PRLR: variants seen among roughly 807,000 people sequenced by gnomAD.
The protein encoded by PRLR is hPRL receptor.
PRLR carries 13 observed loss-of-function variants against 40.2 expected under a neutral mutation model. That is an observed-to-expected ratio of 0.32 (90% CI 0.21 to 0.51). PRLR has a LOEUF of 0.51. PRLR is among the 20% of genes least tolerant of loss of function. PRLR has a pLI of 0.97. For missense variants in PRLR, 656 were observed against 747.3 expected (o/e 0.88, Z 1.42); for synonymous variants, 269 against 278.7 (o/e 0.97, Z 0.35).
chr5:35,156,823 T>A (rs1295718469), intron 1 of PRLR, among the ~76,000 whole-genome samples: 2 of 152,124 alleles, frequency 1.3e-5, no homozygotes, highest in African/African-American at 4.8e-5. Context: ...CAAGAGCTCC[T>A]GCCCCTGTGG....
At chr5:35,054,471 G>C (rs1487893963), downstream of PRLR, among the ~76,000 whole-genome samples, 1 of 150,948 alleles carries the variant, frequency 6.6e-6, no homozygotes, top group Non-Finnish European at 1.5e-5. Flanking sequence ...CACAACTTTT[G>C]TCATTTATGG....
At chr5:35,200,908 C>G (rs1775866600) in intron 1 of PRLR, among the ~76,000 whole-genome samples, 1 of 152,182 alleles carries the variant, frequency 6.6e-6, no homozygotes, top group African/African-American at 2.4e-5. Context: ...CTTTCCTTTA[C>G]AGAGTACTTC....
chr5:35,051,450 T>C (rs193241114), downstream of PRLR, among the ~76,000 whole-genome samples: 54 of 152,344 alleles, frequency 3.5e-4, no homozygotes, highest in Admixed American at 1.2e-3. Context: ...TAGTTGTTCA[T>C]TCTCTTGAAC....
At chr5:35,156,497 A>G (rs1051070846) in intron 1 of PRLR, among the ~76,000 whole-genome samples, 15 of 152,210 alleles carry the variant, frequency 9.9e-5, no homozygotes, top group African/African-American at 3.6e-4. Context: ...AATGACCTAC[A>G]AGACTCTCCA....
intron 1 of PRLR, 107 bp downstream of exon 1, chr5:35,230,161 C>T (rs567457397): frequency 2.4e-4 from 37 of 152,310 alleles, no homozygotes; most frequent in African/African-American, 8.4e-4. Flanking sequence ...TGGCCCCGCT[C>T]TCCCCTTCAG....
At chr5:35,163,629 C>A (rs1413372511) in intron 1 of PRLR, among the ~76,000 whole-genome samples, 1 of 152,136 alleles carries the variant, frequency 6.6e-6, no homozygotes, top group Non-Finnish European at 1.5e-5. Context: ...ATGGTAAGTG[C>A]TACAGGGAGA....
In PRLR at chr5:35,066,060, C is replaced by A. The variant is rs779905464; in HGVS notation, c.898G>T (p.Asp300Tyr). Residue 300 changes from aspartate to tyrosine, a missense_variant, in exon 10 of 10, where the codon GAC becomes TAC. Asp to Tyr is a radical substitution (Grantham distance 160). Transcript: ENST00000618457. ...TCATAGTCAGAAGTGGGAGGAAAGT[C>A]TTGGCATCCCAAGGCACTCAGTAGT... ...EELLSALGCQ[D>Y]FPPTSDYEDL... The A allele has an allele frequency of 5.0e-6, 8 of 1,613,990 alleles. No individual in the cohort carries two copies. In the East Asian group the frequency reaches 1.6e-4, roughly 31 times the overall value.
chr5:35,198,839 T>G (rs555324956), intron 1 of PRLR, among the ~76,000 whole-genome samples: 1 of 152,220 alleles, frequency 6.6e-6, no homozygotes. Context: ...TTCAGCCACA[T>G]GTCCTCAACT....
chr5:35,171,535 T>C (rs1774996943), intron 1 of PRLR, among the ~76,000 whole-genome samples: 1 of 152,174 alleles, frequency 6.6e-6, no homozygotes, highest in African/African-American at 2.4e-5. Flanking sequence ...TCAGAACAGA[T>C]GTACCTGGCT....
At chr5:35,148,344 G>A (rs1030201928) in intron 1 of PRLR, among the ~76,000 whole-genome samples, 1 of 152,068 alleles carries the variant, frequency 6.6e-6, no homozygotes, top group Non-Finnish European at 1.5e-5. Context: ...TGATTTTTGT[G>A]CCTGTGTGAT....
At chr5:35,199,264 T>C (rs1333251497) in intron 1 of PRLR, among the ~76,000 whole-genome samples, 1 of 152,126 alleles carries the variant, frequency 6.6e-6, no homozygotes, top group Non-Finnish European at 1.5e-5. Flanking sequence ...CTAGTTCTTT[T>C]CTCCCCCTGA....
Position 35,126,560 on chromosome 5 carries a change from A to G in PRLR, c.-105-8438T>C, listed in dbSNP as rs548674340. On this transcript the variant is annotated intron_variant, in intron 1 of 9. Coordinates refer to ENST00000618457, the MANE Select transcript of PRLR (RefSeq NM_000949.7). ...ACCCGATTCATTACATATAGGCAGC[A>G]TGGTTCACTGGATGTGTATAGGATT... Among the ~76,000 whole-genome samples the G allele has an allele frequency of 2.0e-5, 3 of 152,252 alleles. No homozygotes were observed. The South Asian group carries it at 6.2e-4, about 32-fold the overall frequency.
At chr5:35,111,881 T>C (rs1183320994) in intron 2 of PRLR, among the ~76,000 whole-genome samples, 1 of 152,182 alleles carries the variant, frequency 6.6e-6, no homozygotes, top group Non-Finnish European at 1.5e-5. Context: ...TAAAATAAAA[T>C]GTGATTACTT....
chr5:35,087,422 TTGTGTGTG>T (rs10691744), intron 3 of PRLR, among the ~76,000 whole-genome samples: 12 of 140,854 alleles, frequency 8.5e-5, no homozygotes, highest in African/African-American at 2.7e-4. Flanking sequence ...TCTCTTTCCT[TTGTGTGTG>T]TGTGTGTGTG....
At chr5:35,111,974 C>G (rs1772689672) in intron 2 of PRLR, among the ~76,000 whole-genome samples, 1 of 152,186 alleles carries the variant, frequency 6.6e-6, no homozygotes, top group Admixed American at 6.5e-5. Flanking sequence ...AAACAACTCC[C>G]AAATGAAAAC....
chr5:35,202,436 C>T (rs947517825), intron 1 of PRLR, among the ~76,000 whole-genome samples: 3 of 152,120 alleles, frequency 2.0e-5, no homozygotes, highest in African/African-American at 7.2e-5. Context: ...TTTGCAATTG[C>T]CCAAAATATC....
At chr5:35,085,839 A>G (rs1048992065) in intron 4 of PRLR, among the ~76,000 whole-genome samples, 2 of 152,224 alleles carry the variant, frequency 1.3e-5, no homozygotes, top group African/African-American at 4.8e-5. Flanking sequence ...GAAACATTAC[A>G]TCAATATTGG....
chr5:35,081,308 TC>T, intron 5 of PRLR: 1 of 179,690 alleles, frequency 5.6e-6, no homozygotes, highest in Non-Finnish European at 1.2e-5. Context: ...CGTGGGGCTT[TC>T]CAGAACATGA....
chr5:35,162,241 C>T (rs1345009743), intron 1 of PRLR, among the ~76,000 whole-genome samples: 1 of 152,170 alleles, frequency 6.6e-6, no homozygotes, highest in Non-Finnish European at 1.5e-5. Flanking sequence ...ATCTATCTAT[C>T]TTAGCATTAC....
Sources: gnomAD v4.1 joint callset for allele counts (sites outside exome capture counted in the v4.1 genomes callset) on GRCh38, gnomAD v4.1.1 for gene constraint, MANE v1.5 for transcripts, NCBI Gene and HGNC (gene_info 2026-07-23, HGNC 2026-07-21) for gene names.